USP25: variants seen among roughly 807,000 people sequenced by gnomAD.
USP25 encodes ubiquitin carboxyl-terminal hydrolase 25.
Under a neutral mutation model 158.5 loss-of-function variants are expected in USP25, and 85 were observed. The ratio of observed to expected loss-of-function variants is 0.54; its 90% CI spans 0.45 to 0.64. The LOEUF is 0.64. Ranked by LOEUF, USP25 falls within the 30% of genes least tolerant of loss-of-function variation. The pLI is 0.00. For synonymous variants in USP25, 464 were observed against 460.4 expected (o/e 1.01, Z -0.10); for missense variants, 1,242 against 1,327.3 (o/e 0.94, Z 1.00).
chr21:15,745,457 TTTTTCTTTTTC>T (rs1471442964), intron 1 of USP25, among the ~76,000 whole-genome samples: 6 of 150,394 alleles, frequency 4.0e-5, no homozygotes, highest in East Asian at 1.9e-4. Context: ...AACCATTTTC[TTTTTCTTTTTC>T]TTTTCTTTTT....
intron 9 of USP25, 46 bp downstream of exon 9, chr21:15,811,256 TATTC>T (rs1344776784): frequency 6.7e-7 from 1 of 1,488,042 alleles, no homozygotes; most frequent in Non-Finnish European, 9.2e-7. Context: ...GAGAGATTAT[TATTC>T]ATTCATTCGT....
chr21:15,741,078 A>G (rs1055215098), intron 1 of USP25, among the ~76,000 whole-genome samples: 14 of 151,754 alleles, frequency 9.2e-5, no homozygotes, highest in African/African-American at 3.1e-4. Context: ...GATTTTTATT[A>G]CTGTAGATCA....
At chr21:15,781,446 T>C (rs535198219) in intron 4 of USP25, among the ~76,000 whole-genome samples, 1 of 152,236 alleles carries the variant, frequency 6.6e-6, no homozygotes, top group African/African-American at 2.4e-5. Context: ...TCACAATGGC[T>C]AAAATTAAAA....
At chr21:15,730,910 C>G (rs931536527) in intron 1 of USP25, among the ~76,000 whole-genome samples, 2 of 149,548 alleles carry the variant, frequency 1.3e-5, no homozygotes, top group African/African-American at 2.5e-5. Context: ...CAGGTGGACT[C>G]TAGAAGTAGG....
At position 15,792,499 on chromosome 21, in the gene USP25, G is replaced by A. The variant is rs538043523; in HGVS notation, c.555+835G>A. 2.4e-3 allele frequency among the ~76,000 whole-genome samples: 367 copies of A among 151,532 alleles called. 3 individuals carry two copies. Among genetic ancestry groups the A allele is most frequent in the South Asian group, 0.017 (83 of 4,816 alleles). On this transcript the variant is annotated intron_variant, in intron 5 of 25. Coordinates refer to ENST00000400183, the MANE Select transcript of USP25 (RefSeq NM_001283041.3). ...AATTATAGCTTATTATTTCATGTTC[G>A]TGATGAATGCTTTTTCCTTCATTGG... is the stretch of plus-strand genomic sequence containing the variant.
chr21:15,781,183 C>A (rs1019326026), intron 4 of USP25, among the ~76,000 whole-genome samples: 1 of 152,096 alleles, frequency 6.6e-6, no homozygotes, highest in Non-Finnish European at 1.5e-5. Context: ...GGAGCCACAC[C>A]CCATGCAATG....
chr21:15,732,791 A>G (rs1188697097), intron 1 of USP25, among the ~76,000 whole-genome samples: 1 of 152,064 alleles, frequency 6.6e-6, no homozygotes, highest in African/African-American at 2.4e-5. Flanking sequence ...AACTTTCATG[A>G]TTTTTTGGTT....
At chr21:15,771,507 G>A (rs1325040524) in intron 3 of USP25, among the ~76,000 whole-genome samples, 1 of 152,104 alleles carries the variant, frequency 6.6e-6, no homozygotes, top group East Asian at 1.9e-4. Context: ...ATGGGGCAGT[G>A]TGCTGGCCCT....
rs1011517688 is a variant in USP25, at chr21:15,878,640, A to G, written c.*165A>G. ...ACAGACTTTAGTCAGACTGCAGACAATAAAGCTGAAAATCGCATGGCGCTC... is the reference window on the plus strand; with the variant it reads ...ACAGACTTTAGTCAGACTGCAGACAGTAAAGCTGAAAATCGCATGGCGCTC... On this transcript the variant is annotated 3_prime_UTR_variant, in exon 26 of 26. Transcript: ENST00000400183. 6 of 601,128 alleles carry G rather than the reference A, an allele frequency of 1.0e-5. No individual in the cohort carries two copies. The highest frequency in any genetic ancestry group is 1.5e-5 in the Non-Finnish European group (6 of 394,912). The allele number at this position is 601,128 out of a possible 1,614,324, so 37.2% of individuals were successfully genotyped here. A position where few individuals can be genotyped will look rare whatever the true frequency, so the allele number is the denominator to read the frequency against.
chr21:15,878,661 C>T lies in USP25; in HGVS notation c.*186C>T, dbSNP rs770865822. 17 of 495,442 alleles carry T rather than the reference C, an allele frequency of 3.4e-5. No individual in the cohort carries two copies. In the Middle Eastern group the frequency reaches 1.3e-3, roughly 37 times the overall value. 30.7% of individuals were successfully genotyped at this position (495,442 alleles called of 1,614,324 possible). A position where few individuals can be genotyped will look rare whatever the true frequency, so the allele number is the denominator to read the frequency against. On this transcript the variant is annotated 3_prime_UTR_variant, in exon 26 of 26. Coordinates refer to ENST00000400183, the MANE Select transcript of USP25 (RefSeq NM_001283041.3). ...GACAATAAAGCTGAAAATCGCATGG[C>T]GCTCAGACATTTTAACCGGAACTGA...
chr21:15,740,611 A>G (rs1048880616), intron 1 of USP25, among the ~76,000 whole-genome samples: 10 of 146,824 alleles, frequency 6.8e-5, no homozygotes, highest in Non-Finnish European at 1.5e-4. Flanking sequence ...GTACATGCTA[A>G]AGTTGTAATC....
chr21:15,743,225 T>G (rs1384869077), intron 1 of USP25, among the ~76,000 whole-genome samples: 1 of 152,204 alleles, frequency 6.6e-6, no homozygotes, highest in Non-Finnish European at 1.5e-5. Context: ...ACTCCCATAT[T>G]CCAGCAATTG....
intron 1 of USP25, among the ~76,000 whole-genome samples, chr21:15,742,892 G>A (rs2032189802): frequency 1.3e-5 from 2 of 152,300 alleles, no homozygotes; most frequent in Non-Finnish European, 2.9e-5. Flanking sequence ...AGCCCATGGC[G>A]GGACTGGGTA....
At chr21:15,849,081 AACTGGC>A (rs2038766055) in intron 19 of USP25, among the ~76,000 whole-genome samples, 3 of 152,248 alleles carry the variant, frequency 2.0e-5, no homozygotes, top group South Asian at 4.1e-4. Flanking sequence ...AAATTATGGG[AACTGGC>A]ATGTTTTTAA....
At chr21:15,812,970 G>T (rs550601967) in intron 9 of USP25, among the ~76,000 whole-genome samples, 1 of 151,984 alleles carries the variant, frequency 6.6e-6, no homozygotes, top group South Asian at 2.1e-4. Flanking sequence ...GCCCTTCTCT[G>T]TACTTCACTC....
At chr21:15,827,287 A>T in intron 14 of USP25, 84 bp downstream of exon 14, 1 of 1,127,138 alleles carries the variant, frequency 8.9e-7, no homozygotes, top group Non-Finnish European at 1.3e-6. Context: ...TCACGTCTGG[A>T]TTTTATATTT....
chr21:15,849,211 G>A (rs1245144259), intron 19 of USP25, among the ~76,000 whole-genome samples: 1 of 152,098 alleles, frequency 6.6e-6, no homozygotes, highest in Non-Finnish European at 1.5e-5. Context: ...TTTTGCAAGT[G>A]CTTATGTGAC....
intron 7 of USP25, among the ~76,000 whole-genome samples, 176 bp from the exon 8 acceptor site, chr21:15,808,633 A>T (rs903534476): frequency 2.0e-5 from 3 of 152,012 alleles, no homozygotes; most frequent in African/African-American, 7.2e-5. Context: ...CAAATATCTT[A>T]TATCCTGGTT....
intron 3 of USP25, among the ~76,000 whole-genome samples, chr21:15,777,692 G>C (rs903080670): frequency 2.6e-5 from 4 of 152,048 alleles, no homozygotes; most frequent in Admixed American, 6.5e-5. Flanking sequence ...TCTGCTTACT[G>C]CTTTAGGTAT....
Sources: gnomAD v4.1 joint callset for allele counts (sites outside exome capture counted in the v4.1 genomes callset) on GRCh38, gnomAD v4.1.1 for gene constraint, MANE v1.5 for transcripts, NCBI Gene and HGNC (gene_info 2026-07-23, HGNC 2026-07-21) for gene names.